The following NECAP2 variants were observed in gnomAD, a reference collection of about 807,000 sequenced individuals.
NECAP2 encodes the protein NECAP endocytosis associated 2.
Under a neutral mutation model 37.8 loss-of-function variants are expected in NECAP2, and 38 were observed. The observed-to-expected ratio is 1.01, with a 90% CI of 0.78 to 1.32. NECAP2 has a LOEUF of 1.32. NECAP2 is among the 40% of genes most tolerant of loss of function. The pLI, the probability that NECAP2 is intolerant of heterozygous loss-of-function variation, is 0.00. For missense variants in NECAP2, 316 were observed against 334.5 expected (o/e 0.94, Z 0.43); for synonymous variants, 121 against 127.7 (o/e 0.95, Z 0.35).
chr1:16,450,364 T>C, intron 5 of NECAP2: 1 of 324,316 alleles, frequency 3.1e-6, no homozygotes, highest in South Asian at 2.5e-5. Context: ...AAATGGAGGC[T>C]TAGGGAGGGT....
Position 16,440,774 on chromosome 1 carries a change from G to C in NECAP2, c.13G>C (p.Gly5Arg), listed in dbSNP as rs145414698. 4.9e-5 allele frequency: 79 copies of C among 1,614,080 alleles called. 1 individual carries two copies. The African/African-American group carries it at 8.9e-4, about 18-fold the overall frequency. Reference protein sequence around the residue: MEESGYESVLCVKPD... With the variant: MEESRYESVLCVKPD... The stretch of plus-strand genomic sequence containing the variant: ...TCCAGGCGTCGCGATGGAGGAGAGC[G>C]GGTACGAGTCGGTGCTCTGTGTCAA... Residue 5 changes from glycine to arginine, a missense_variant, in exon 1 of 8, where the codon GGG (glycine) becomes CGG (arginine). By Grantham distance (125) the Gly-to-Arg change is moderately radical. Around this residue, in one of 3 missense-constraint regions of NECAP2, gnomAD observed 31 missense variants for 21.7 expected, o/e 1.43. Coordinates refer to ENST00000337132, the MANE Select transcript of NECAP2 (RefSeq NM_018090.5).
At chr1:16,441,904 A>G (rs2086695281) in intron 1 of NECAP2, among the ~76,000 whole-genome samples, 1 of 151,656 alleles carries the variant, frequency 6.6e-6, no homozygotes, top group Admixed American at 6.6e-5. Context: ...ACCAAAATAC[A>G]TTTGTTTTCT....
chr1:16,457,707 G>GTTTT (rs56863489), intron 7 of NECAP2, among the ~76,000 whole-genome samples: 43 of 105,444 alleles, frequency 4.1e-4, no homozygotes, highest in African/African-American at 1.1e-3. Flanking sequence ...TAGTAATTCT[G>GTTTT]TTTTTTTTTT....
intron 1 of NECAP2, among the ~76,000 whole-genome samples, 168 bp from the exon 2 acceptor site, chr1:16,443,461 CTTG>C (rs1435763661): frequency 6.6e-6 from 1 of 152,228 alleles, no homozygotes; most frequent in East Asian, 1.9e-4. Context: ...GCCGAGCTGC[CTTG>C]TTGTGACAGG....
At chr1:16,447,094 C>G (rs1416981021) in intron 2 of NECAP2, among the ~76,000 whole-genome samples, 1 of 151,672 alleles carries the variant, frequency 6.6e-6, no homozygotes, top group Non-Finnish European at 1.5e-5. Context: ...AAATCAAATT[C>G]CTGGGCTCAA....
intron 6 of NECAP2, chr1:16,455,567 T>G (rs1170893418): frequency 4.9e-5 from 24 of 489,762 alleles, no homozygotes; most frequent in Non-Finnish European, 6.6e-5. Flanking sequence ...CGGGCACCCC[T>G]CGTTCCACCT....
chr1:16,450,831 C>T (rs2086831574), intron 5 of NECAP2: 1 of 152,232 alleles, frequency 6.6e-6, no homozygotes, highest in South Asian at 2.1e-4. Context: ...GCTGTAATCC[C>T]AGCTACTCCG....
chr1:16,449,292 C>T (rs374907394), intron 5 of NECAP2, 91 bp downstream of exon 5: 2 of 806,222 alleles, frequency 2.5e-6, no homozygotes, highest in East Asian at 2.7e-5. Context: ...TCAGCTCCTT[C>T]AGTTCAGCAG....
chr1:16,450,288 GTTTT>G (rs544037982), intron 5 of NECAP2: 8 of 298,544 alleles, frequency 2.7e-5, no homozygotes, highest in African/African-American at 1.2e-4. Context: ...TTGTTTTGTT[GTTTT>G]TTTTTTTTAG....
At chr1:16,447,829 G>C (rs1557687312) in intron 2 of NECAP2, 41 bp from the exon 3 acceptor site, 2 of 1,550,258 alleles carry the variant, frequency 1.3e-6, no homozygotes, top group Non-Finnish European at 1.8e-6. Flanking sequence ...TGGCTGGAAG[G>C]GGGCTCAGGG....
rs747769650 is a variant in NECAP2, at chr1:16,458,844, C to G, written c.746C>G (p.Ser249Ter). 3 of 1,613,304 alleles carry G rather than the reference C, an allele frequency of 1.9e-6. No homozygotes were observed. The highest frequency in any genetic ancestry group is 4.5e-5 in the East Asian group (2 of 44,868). Residue 249 changes from serine to a stop codon, truncating the protein, a stop_gained and splice_region_variant, in exon 8 of 8, where the codon TCA becomes TGA. Transcript: ENST00000337132. LOFTEE classifies it high-confidence loss of function. ...IWGDFTKSTG[S>*]TSSQTQPGTG... ...CCTTCCCTGTCTTCTCTTTACAGAT[C>G]AACTTCCAGCCAGACCCAGCCAGGC...
At chr1:16,454,686 C>T (rs1195277838) in intron 6 of NECAP2, among the ~76,000 whole-genome samples, 1 of 152,162 alleles carries the variant, frequency 6.6e-6, no homozygotes, top group Non-Finnish European at 1.5e-5. Flanking sequence ...AATCACTTCT[C>T]CATGCCTCAT....
At chr1:16,451,752 G>A in intron 5 of NECAP2, 86 bp from the exon 6 acceptor site, 1 of 1,476,660 alleles carries the variant, frequency 6.8e-7, no homozygotes, top group South Asian at 1.2e-5. Context: ...GGGGTCTGGG[G>A]TCACCTTGGC....
intron 6 of NECAP2, among the ~76,000 whole-genome samples, chr1:16,452,756 C>T (rs964275075): frequency 1.1e-4 from 17 of 152,042 alleles, no homozygotes; most frequent in Non-Finnish European, 2.1e-4. Flanking sequence ...TTTTCCTCTA[C>T]CTCCCCGCGC....
chr1:16,450,216 T>G, intron 5 of NECAP2: 1 of 452,820 alleles, frequency 2.2e-6, no homozygotes, highest in Non-Finnish European at 4.4e-6. Flanking sequence ...GAAACTAACA[T>G]TTAATGAGCA....
At chr1:16,456,024 CT>C (rs56097788) in intron 7 of NECAP2, 131 bp downstream of exon 7, 70,740 of 471,736 alleles carry the variant, frequency 0.15, 273 homozygotes, top group Middle Eastern at 0.19. Context: ...GTTTTCTTTT[CT>C]TTTTTTTTTT....
chr1:16,441,166 C>T (rs1001585970), intron 1 of NECAP2: 32 of 390,118 alleles, frequency 8.2e-5, no homozygotes, highest in Non-Finnish European at 6.6e-5. Flanking sequence ...TCTCTTTCAG[C>T]GCTAACCGGT....
chr1:16,443,837 C>G, intron 2 of NECAP2, 105 bp downstream of exon 2: 1 of 820,920 alleles, frequency 1.2e-6, no homozygotes, highest in South Asian at 1.5e-5. Flanking sequence ...GGGAACCTGT[C>G]CTGAAAAATC....
chr1:16,446,016 C>T (rs1478527830), intron 2 of NECAP2, among the ~76,000 whole-genome samples: 2 of 151,982 alleles, frequency 1.3e-5, no homozygotes, highest in Non-Finnish European at 2.9e-5. Flanking sequence ...TGAGACCAGC[C>T]TGACCAACAC....
Sources: gnomAD v4.1 joint callset for allele counts (sites outside exome capture counted in the v4.1 genomes callset) on GRCh38, gnomAD v4.1.1 for gene constraint, gnomAD v4.1.1 regional missense constraint, MANE v1.5 for transcripts, NCBI Gene and HGNC (gene_info 2026-07-23, HGNC 2026-07-21) for gene names.